SLC25A13: variants seen among roughly 807,000 people sequenced by gnomAD.
The protein encoded by SLC25A13 is electrogenic aspartate/glutamate antiporter SLC25A13, mitochondrial.
SLC25A13 carries 70 observed loss-of-function variants against 85.5 expected under a neutral mutation model. The observed-to-expected ratio is 0.82, with a 90% CI of 0.68 to 1.00. The LOEUF (loss-of-function observed/expected upper bound fraction) is 1.00, where lower values mean the gene tolerates loss of function less well. SLC25A13 is among the 50% of genes least tolerant of loss of function. The pLI is 0.00. For synonymous variants in SLC25A13, 259 were observed against 288.7 expected, an observed-to-expected ratio of 0.90 and a Z score of 1.04; for missense variants, 765 against 819.8, an observed-to-expected ratio of 0.93 and a Z score of 0.82.
chr7:96,319,813 A>G (rs1473314110), intron 1 of SLC25A13, among the ~76,000 whole-genome samples: 2 of 152,180 alleles, frequency 1.3e-5, no homozygotes, highest in African/African-American at 4.8e-5. Flanking sequence ...ATATCACAGA[A>G]AGAGGTGAGT....
intron 4 of SLC25A13, among the ~76,000 whole-genome samples, chr7:96,231,727 A>T (rs1453372590): frequency 6.6e-6 from 1 of 152,012 alleles, no homozygotes; most frequent in African/African-American, 2.4e-5. Flanking sequence ...CTGTCTCAAA[A>T]AAAAAAAAGA....
rs182680199 is a variant in SLC25A13, at chr7:96,315,582, G to T, written c.15+6360C>A. Among the ~76,000 whole-genome samples, 768 of 152,234 alleles carry T rather than the reference G, an allele frequency of 5.0e-3. 8 individuals are homozygous for T. Among genetic ancestry groups the T allele is most frequent in the African/African-American group, 0.018 (742 of 41,536 alleles). ...GAGGAAGGAAAGAGTAAAGATCATTGTGTTAACATAAATTCCAAGGCCATC... is the reference window on the plus strand; with the variant it reads ...GAGGAAGGAAAGAGTAAAGATCATTTTGTTAACATAAATTCCAAGGCCATC... On this transcript the variant is annotated intron_variant, in intron 1 of 17. Coordinates refer to ENST00000265631, the MANE Select transcript of SLC25A13 (RefSeq NM_014251.3).
chr7:96,221,023 A>T (rs1487614300), intron 4 of SLC25A13, among the ~76,000 whole-genome samples: 3 of 152,212 alleles, frequency 2.0e-5, no homozygotes, highest in African/African-American at 7.2e-5. Flanking sequence ...ATGAAGTAGC[A>T]AAAAGTACAA....
At chr7:96,253,499 A>G (rs1290820817) in intron 3 of SLC25A13, among the ~76,000 whole-genome samples, 1 of 152,244 alleles carries the variant, frequency 6.6e-6, no homozygotes, top group African/African-American at 2.4e-5. Context: ...AAGATCCCAC[A>G]GATTTTAAAA....
At chr7:96,242,410 C>T (rs573021415) in intron 3 of SLC25A13, among the ~76,000 whole-genome samples, 1 of 152,300 alleles carries the variant, frequency 6.6e-6, no homozygotes, top group South Asian at 2.1e-4. Context: ...ATTATTCAGG[C>T]AACCAAGCTG....
intron 3 of SLC25A13, among the ~76,000 whole-genome samples, chr7:96,235,773 T>G (rs949626350): frequency 2.0e-5 from 3 of 152,174 alleles, no homozygotes; most frequent in African/African-American, 4.8e-5. Flanking sequence ...GAAAAGGGCC[T>G]GGTCATTCTT....
rs749039874 is a variant in SLC25A13 at position 96,131,724 on chromosome 7, C to T, written c.1591+19G>A. On this transcript the variant is annotated intron_variant, in intron 15 of 17. Coordinates refer to ENST00000265631, the MANE Select transcript of SLC25A13 (RefSeq NM_014251.3). ...AGCAAGGGTCAGGGAAGTAAGAGAA[C>T]TCCATGGGGGACACTCACCAGCTAT... 6 of 1,613,518 alleles carry T rather than the reference C, an allele frequency of 3.7e-6. No homozygotes were observed. The African/African-American group carries it at 6.7e-5, about 18-fold the overall frequency.
chr7:96,286,995 A>G (rs1203291984), intron 2 of SLC25A13, among the ~76,000 whole-genome samples: 2 of 152,240 alleles, frequency 1.3e-5, no homozygotes, highest in African/African-American at 2.4e-5. Context: ...AGGCTGGGAT[A>G]TTTCACATGG....
At chr7:96,205,762 A>T (rs1795435763) in intron 5 of SLC25A13, among the ~76,000 whole-genome samples, 1 of 152,196 alleles carries the variant, frequency 6.6e-6, no homozygotes, top group Admixed American at 6.5e-5. Context: ...CAACCAAAGC[A>T]CAGAAAAGGA....
intron 1 of SLC25A13, among the ~76,000 whole-genome samples, chr7:96,297,513 T>C (rs1799390950): frequency 6.6e-6 from 1 of 151,970 alleles, no homozygotes. Context: ...TATGTATTTT[T>C]AGTAGAGATA....
chr7:96,228,924 C>T (rs886946865), intron 4 of SLC25A13, among the ~76,000 whole-genome samples: 12 of 152,182 alleles, frequency 7.9e-5, no homozygotes, highest in African/African-American at 1.9e-4. Flanking sequence ...GAATTCTCAC[C>T]GGGCCTCAGC....
chr7:96,289,588 T>C (rs1020873716), intron 2 of SLC25A13, among the ~76,000 whole-genome samples: 1 of 152,064 alleles, frequency 6.6e-6, no homozygotes, highest in Non-Finnish European at 1.5e-5. Context: ...CTGAAAACCA[T>C]GGCACAAGAA....
In SLC25A13 at chr7:96,214,027, T is replaced by C. The variant is rs915274858; in HGVS notation, c.329-5050A>G. Among the ~76,000 whole-genome samples, 30 of 152,336 alleles carry C rather than the reference T, an allele frequency of 2.0e-4. No individual in the cohort carries two copies. In the East Asian group the frequency reaches 5.8e-3, roughly 29 times the overall value. On this transcript the variant is annotated intron_variant, in intron 4 of 17. Transcript: ENST00000265631. Reference sequence around the variant, plus strand: ...ATAATATCACCAAATAATAGTGATATTATTTAAAGTAAGACCTCACCAAAT... The same window carrying C: ...ATAATATCACCAAATAATAGTGATACTATTTAAAGTAAGACCTCACCAAAT...
chr7:96,204,328 G>C (rs1028788208), intron 5 of SLC25A13, among the ~76,000 whole-genome samples: 3 of 152,270 alleles, frequency 2.0e-5, no homozygotes, highest in East Asian at 3.9e-4. Flanking sequence ...AAAAGTTTTA[G>C]AAACCTTTCA....
chr7:96,282,811 C>T (rs958619882), intron 2 of SLC25A13, among the ~76,000 whole-genome samples: 10 of 151,992 alleles, frequency 6.6e-5, no homozygotes, highest in African/African-American at 2.2e-4. Flanking sequence ...AAAATTGTCA[C>T]AATAAAGTTA....
At chr7:96,229,291 G>T (rs949497022) in intron 4 of SLC25A13, among the ~76,000 whole-genome samples, 1 of 152,132 alleles carries the variant, frequency 6.6e-6, no homozygotes, top group Non-Finnish European at 1.5e-5. Flanking sequence ...TGTCTAGCTA[G>T]AGGATTGTAA....
At chr7:96,250,840 G>C (rs1321965013) in intron 3 of SLC25A13, among the ~76,000 whole-genome samples, 2 of 151,420 alleles carry the variant, frequency 1.3e-5, no homozygotes, top group African/African-American at 4.9e-5. Flanking sequence ...GAACCATAGA[G>C]AGAAATCTAA....
chr7:96,180,482 T>C (rs1794380408), intron 11 of SLC25A13, among the ~76,000 whole-genome samples: 1 of 152,266 alleles, frequency 6.6e-6, no homozygotes, highest in Non-Finnish European at 1.5e-5. Flanking sequence ...AGGCCCGCCA[T>C]TATGCCCAGC....
intron 2 of SLC25A13, among the ~76,000 whole-genome samples, chr7:96,296,519 C>T (rs555424360): frequency 6.6e-6 from 1 of 150,418 alleles, no homozygotes; most frequent in South Asian, 2.1e-4. Context: ...CTTGCTCTGT[C>T]GCCCAGGCTG....
Sources: allele counts gnomAD v4.1 joint callset (sites outside exome capture counted in the v4.1 genomes callset), GRCh38; gene constraint gnomAD v4.1.1; transcripts MANE v1.5; gene names NCBI Gene and HGNC (gene_info 2026-07-23, HGNC 2026-07-21).